AP3D1: variants seen among roughly 807,000 people sequenced by gnomAD.
AP3D1 encodes the protein AP-3 complex subunit delta-1.
A neutral mutation model predicts 147.6 loss-of-function variants in AP3D1; 51 were observed. That is an observed-to-expected ratio of 0.35 (90% CI 0.28 to 0.44). The LOEUF (loss-of-function observed/expected upper bound fraction) is 0.44, where lower values mean the gene tolerates loss of function less well. Among genes scored for constraint, AP3D1 ranks in the 20% least tolerant of loss-of-function variants. The probability of loss-of-function intolerance (pLI) is 1.00; values close to 1 mark genes in which losing one functional copy is unlikely to be tolerated. For synonymous variants in AP3D1, 760 were observed against 663.0 expected, an observed-to-expected ratio of 1.15 and a Z score of -2.25; for missense variants, 1,421 against 1,624.2, an observed-to-expected ratio of 0.87 and a Z score of 2.15.
At chr19:2,102,590 G>C (rs2017985520) in intron 31 of AP3D1, among the ~76,000 whole-genome samples, 1 of 151,986 alleles carries the variant, frequency 6.6e-6, no homozygotes, top group African/African-American at 2.4e-5. Flanking sequence ...TAGCCAGGCA[G>C]GGTGGCGGGT....
At chr19:2,133,033 C>T (rs894691005) in intron 4 of AP3D1, among the ~76,000 whole-genome samples, 17 of 152,188 alleles carry the variant, frequency 1.1e-4, no homozygotes, top group African/African-American at 4.1e-4. Flanking sequence ...GGGGAAGGGC[C>T]ACCCCGGGTG....
rs758592640 is a variant in AP3D1 at position 2,110,214 on chromosome 19, G to A, written c.3186C>T (p.Asn1062=). Residue 1062 remains asparagine, a synonymous_variant, in exon 28 of 32, where the codon AAC becomes AAT. Transcript: ENST00000643116. ...VPFQLPPGVS[N]EAQYVFTIQS... ...GGATGGTGAACACATACTGGGCTTC[G>A]TTGGAGACGCCTGGCGGGGGCGAGA... 10 of 1,611,980 alleles carry A rather than the reference G, an allele frequency of 6.2e-6. No individual in the cohort carries two copies. The highest frequency in any genetic ancestry group is 1.3e-5 in the African/African-American group (1 of 74,864).
intron 31 of AP3D1, 137 bp downstream of exon 31, chr19:2,108,550 G>A (rs2018174403): frequency 5.3e-6 from 4 of 748,720 alleles, no homozygotes; most frequent in South Asian, 5.2e-5. Flanking sequence ...CACAGGTGAG[G>A]GGCTCATGGC....
intron 1 of AP3D1, among the ~76,000 whole-genome samples, chr19:2,158,639 C>T (rs1287734672): frequency 1.3e-5 from 2 of 150,512 alleles, no homozygotes; most frequent in Non-Finnish European, 3.0e-5. Context: ...GAGATTCGCT[C>T]TTGTCACCCA....
At chr19:2,154,275 GTT>G (rs112780618), upstream of AP3D1, among the ~76,000 whole-genome samples, 3 of 145,192 alleles carry the variant, frequency 2.1e-5, no homozygotes, top group Non-Finnish European at 4.5e-5. Flanking sequence ...TTTATTTATG[GTT>G]TTTTTTTTCT....
intron 1 of AP3D1, among the ~76,000 whole-genome samples, chr19:2,151,028 C>A (rs1471391623): frequency 1.3e-5 from 2 of 152,262 alleles, no homozygotes; most frequent in African/African-American, 4.8e-5. Flanking sequence ...TGCTCCAAGG[C>A]CTTCGCCCCT....
intron 5 of AP3D1, 103 bp from the exon 6 acceptor site, chr19:2,130,640 C>G (rs895871743): frequency 2.0e-6 from 3 of 1,536,434 alleles, no homozygotes; most frequent in African/African-American, 2.7e-5. Flanking sequence ...CCCTCCAGCC[C>G]GACGCTGTGG....
At chr19:2,157,339 G>A (rs2019653905) in intron 1 of AP3D1, among the ~76,000 whole-genome samples, 1 of 150,378 alleles carries the variant, frequency 6.6e-6, no homozygotes, top group East Asian at 2.0e-4. Context: ...CTACTTGGGA[G>A]GCTGAGGCAG....
intron 1 of AP3D1, among the ~76,000 whole-genome samples, chr19:2,157,076 CATCT>C (rs944389763): frequency 1.6e-4 from 24 of 151,428 alleles, no homozygotes; most frequent in East Asian, 1.4e-3. Flanking sequence ...TCCACCCATC[CATCT>C]ATCGATCTAT....
At chr19:2,117,437 G>C (rs1250384729) in intron 15 of AP3D1, 70 bp from the exon 16 acceptor site, 1 of 1,476,212 alleles carries the variant, frequency 6.8e-7, no homozygotes, top group Admixed American at 2.2e-5. Flanking sequence ...AGGGACACGG[G>C]GTGGCTCAGC....
rs760229737 is a variant in AP3D1, at chr19:2,115,377, G to A, written c.2191C>T (p.Arg731Trp). Residue 731 changes from arginine (R) to tryptophan (W), a missense_variant, in exon 20 of 32, where the codon CGG (arginine) becomes TGG (tryptophan). By Grantham distance (101) the Arg-to-Trp change is moderately radical. This residue lies in a region of AP3D1 where 791 missense variants were observed against 761.4 expected (regional missense o/e 1.04). Coordinates refer to ENST00000643116, the MANE Select transcript of AP3D1 (RefSeq NM_001261826.3). ...SDQYVKLEEE[R>W]RHRQKLEKDK... is the part of the protein sequence containing the mutation. Reference sequence around the variant, plus strand: ...TTCTCCAGCTTCTGCCGGTGCCGCCGCTCCTCCTCCAGCTTCACATACTGA... The same window carrying A: ...TTCTCCAGCTTCTGCCGGTGCCGCCACTCCTCCTCCAGCTTCACATACTGA... 22 of 1,606,448 alleles carry A rather than the reference G, an allele frequency of 1.4e-5. No homozygotes were observed. Among genetic ancestry groups the A allele is most frequent in the African/African-American group, 5.3e-5 (4 of 74,882 alleles).
Position 2,114,270 on chromosome 19 carries a change from T to C in AP3D1, c.2456A>G (p.Gln819Arg), listed in dbSNP as rs1243436130. The C allele has an allele frequency of 3.7e-6, 6 of 1,612,678 alleles. No homozygotes were observed. Among genetic ancestry groups the C allele is most frequent in the Non-Finnish European group, 5.1e-6 (6 of 1,179,628 alleles). Residue 819 changes from glutamine (Q) to arginine (R), a missense_variant, in exon 22 of 32, where the codon CAG becomes CGG. Physicochemically the swap from Gln to Arg is conservative, Grantham distance 43. Coordinates refer to ENST00000643116, the MANE Select transcript of AP3D1 (RefSeq NM_001261826.3). ...TGAGGTCTCGGTGTTTCTGTGTTTC[T>C]GAATAGGCAGTTTCTCGCTGTCGGC... is the stretch of plus-strand genomic sequence containing the variant. ...PLADSEKLPIQKHRNTETSKS... is the reference protein window; with the variant it reads ...PLADSEKLPIRKHRNTETSKS...
In AP3D1 at chr19:2,142,303, T is replaced by C. The variant is rs569160347; in HGVS notation, c.97-3589A>G. Among the ~76,000 whole-genome samples, 116 of 151,818 alleles carry C rather than the reference T, an allele frequency of 7.6e-4. 1 individual carries two copies. Among genetic ancestry groups the C allele is most frequent in the African/African-American group, 2.6e-3 (108 of 41,402 alleles). ...GCTGGGATTTACAGGTGTGAGCTAC[T>C]GCACCCGACCTAACATTTTTTACTT... On this transcript the variant is annotated intron_variant, in intron 1 of 31. Coordinates refer to ENST00000643116, the MANE Select transcript of AP3D1 (RefSeq NM_001261826.3).
Position 2,121,999 on chromosome 19 carries a change from G to T in AP3D1, c.956-120C>A. The stretch of plus-strand genomic sequence containing the variant: ...GGAGGCTGCCTGGCCTTGGCAACCT[G>T]GGGGTGGACAGAGCAAGTATCCCAG... On this transcript the variant is annotated intron_variant, in intron 11 of 31. Coordinates refer to ENST00000643116, the MANE Select transcript of AP3D1 (RefSeq NM_001261826.3). 3 of 1,163,660 alleles carry T rather than the reference G, an allele frequency of 2.6e-6. No homozygotes were observed. In the East Asian group the frequency reaches 8.1e-5, roughly 32 times the overall value. The allele number at this position is 1,163,660 out of a possible 1,614,324, so 72.1% of individuals were successfully genotyped here.
At chr19:2,119,866 C>T (rs1438461907) in intron 14 of AP3D1, among the ~76,000 whole-genome samples, 1 of 152,012 alleles carries the variant, frequency 6.6e-6, no homozygotes, top group Non-Finnish European at 1.5e-5. Context: ...CACTTGAACC[C>T]GAGAGGCAGA....
Position 2,101,302 on chromosome 19 carries a change from C to T in AP3D1, c.*871G>A, listed in dbSNP as rs1323427960. 2 of 152,306 alleles carry T rather than the reference C, an allele frequency of 1.3e-5. No individual in the cohort carries two copies. The highest frequency in any genetic ancestry group is 2.1e-4 in the South Asian group (1 of 4,834). 9.4% of individuals were successfully genotyped at this position (152,306 alleles called of 1,614,324 possible). A position where few individuals can be genotyped will look rare whatever the true frequency, so the allele number is the denominator to read the frequency against. On this transcript the variant is annotated 3_prime_UTR_variant, in exon 32 of 32. Transcript: ENST00000643116. ...GGTGGGGGCTCTGCCTGTGAGGTGG[C>T]TCTCACAGGTCCTGCCCAAGGGCAC...
At chr19:2,137,927 G>C in intron 2 of AP3D1, 120 bp from the exon 3 acceptor site, 2 of 743,800 alleles carry the variant, frequency 2.7e-6, no homozygotes, top group Non-Finnish European at 2.2e-6. Flanking sequence ...TTCACTGTCA[G>C]CAAACCACCC....
rs367728587 is a variant in AP3D1 at position 2,137,032 on chromosome 19, C to G, written c.333G>C (p.Leu111=). 6.3e-6 allele frequency: 10 copies of G among 1,594,120 alleles called. No homozygotes were observed. Among genetic ancestry groups the G allele is most frequent in the Non-Finnish European group, 7.7e-6 (9 of 1,170,648 alleles). The change falls in exon 4 of 32, where the codon CTG becomes CTC. Residue 111 remains leucine (L), a synonymous_variant. Coordinates refer to ENST00000643116, the MANE Select transcript of AP3D1 (RefSeq NM_001261826.3). ...SFHEGTDVIM[L]TTNQIRKDLS... is the part of the protein sequence containing the mutation. ...CCACCTTACGGATCTGATTGGTGGT[C>G]AGCATGATGACGTCGGTGCCTTCGT...
At position 2,133,993 on chromosome 19, in the gene AP3D1, A is replaced by G. The variant is rs2019014910; in HGVS notation, c.355-1415T>C. ...CACGGTGGTGCACACTTGTAGTTCC[A>G]GCTACTTGAGAGGCTGAGGCAGGAG... On this transcript the variant is annotated intron_variant, in intron 4 of 31. Coordinates refer to ENST00000643116, the MANE Select transcript of AP3D1 (RefSeq NM_001261826.3). 2.0e-5 allele frequency among the ~76,000 whole-genome samples: 3 copies of G among 151,982 alleles called. No individual in the cohort carries two copies. In the South Asian group the frequency reaches 6.2e-4, roughly 32 times the overall value.
Sources: gnomAD v4.1 joint callset for allele counts (sites outside exome capture counted in the v4.1 genomes callset) on GRCh38, gnomAD v4.1.1 for gene constraint, gnomAD v4.1.1 regional missense constraint, MANE v1.5 for transcripts, NCBI Gene and HGNC (gene_info 2026-07-23, HGNC 2026-07-21) for gene names.